CDH2: variants seen among roughly 807,000 people sequenced by gnomAD.
CDH2 encodes cadherin-2.
In CDH2, 17 loss-of-function variants were observed where a neutral mutation model predicts 92.0. That is an observed-to-expected ratio of 0.18 (90% confidence interval 0.13 to 0.28). The LOEUF is 0.28. CDH2 is among the 10% of genes least tolerant of loss of function. The pLI, the probability that CDH2 is intolerant of heterozygous loss-of-function variation, is 1.00. For missense variants in CDH2, 862 were observed against 1,133.1 expected (o/e 0.76, Z 3.44); for synonymous variants, 419 against 415.9 (o/e 1.01, Z -0.09).
Position 28,005,885 on chromosome 18 carries a change from C to T in CDH2, c.811G>A (p.Val271Ile). The change falls in exon 6 of 16, where the codon GTT becomes ATT. Residue 271 changes from valine (V) to isoleucine (I), a missense_variant. Coordinates refer to ENST00000269141, the MANE Select transcript of CDH2 (RefSeq NM_001792.5). ...CCCTCAGGAACTGTCCCATTCCAAA[C>T]CTGGTGTAAGAACTCAGGTCTGTTG... is the stretch of plus-strand genomic sequence containing the variant. The part of the protein sequence containing the change: ...NDNRPEFLHQ[V>I]WNGTVPEGSK... 6.2e-7 allele frequency: 1 copy of T among 1,613,622 alleles called. No individual in the cohort carries two copies.
chr18:28,172,906 T>TA (rs762181171), intron 1 of CDH2, among the ~76,000 whole-genome samples: 12 of 151,906 alleles, frequency 7.9e-5, no homozygotes, highest in East Asian at 1.9e-4. Flanking sequence ...CACTTAGGAT[T>TA]AAAAAAAATA....
chr18:28,108,641 T>C (rs1269918730), intron 2 of CDH2, among the ~76,000 whole-genome samples: 3 of 152,208 alleles, frequency 2.0e-5, no homozygotes, highest in African/African-American at 4.8e-5. Context: ...GCTCAATATA[T>C]GTAAATTTCA....
chr18:28,064,334 C>A (rs2014464579), intron 2 of CDH2, among the ~76,000 whole-genome samples: 1 of 152,050 alleles, frequency 6.6e-6, no homozygotes, highest in Non-Finnish European at 1.5e-5. Flanking sequence ...GATGCCCAGG[C>A]AGTCTCTCAC....
chr18:28,123,025 A>G (rs965240470), intron 2 of CDH2, among the ~76,000 whole-genome samples: 2 of 152,248 alleles, frequency 1.3e-5, no homozygotes, highest in African/African-American at 4.8e-5. Flanking sequence ...CAAGGTGACA[A>G]ATTGTGTTTT....
chr18:28,167,299 A>G (rs2016400584), intron 1 of CDH2, among the ~76,000 whole-genome samples: 1 of 152,150 alleles, frequency 6.6e-6, no homozygotes, highest in Non-Finnish European at 1.5e-5. Flanking sequence ...AACTATGGCA[A>G]AAGATATTGT....
chr18:27,991,849 T>C (rs998306803), intron 9 of CDH2, among the ~76,000 whole-genome samples: 3 of 152,216 alleles, frequency 2.0e-5, no homozygotes, highest in African/African-American at 7.2e-5. Flanking sequence ...TTAGGTTCAC[T>C]TACAAATCAA....
chr18:27,993,542 C>G lies in CDH2; in HGVS notation c.1116G>C (p.Val372=). 6.2e-7 allele frequency: 1 copy of G among 1,614,122 alleles called. No homozygotes were observed. Among genetic ancestry groups the G allele is most frequent in the Non-Finnish European group, 8.5e-7 (1 of 1,180,006 alleles). The change falls in exon 8 of 16, where the codon GTG becomes GTC. Residue 372 remains valine (V), a synonymous_variant. Transcript: ENST00000269141. ...LSNTATAVIT[V]TDVNDNPPEF... ...CTGGAGGATTGTCATTGACATCTGT[C>G]ACTGTGATGACGGCCGTGGCTGTGT... is the stretch of plus-strand genomic sequence containing the variant.
At chr18:28,131,707 T>TGTGTGTGTGTGTGTGTGG (rs777344485) in intron 2 of CDH2, among the ~76,000 whole-genome samples, 2 of 151,806 alleles carry the variant, frequency 1.3e-5, no homozygotes, top group African/African-American at 4.8e-5. Flanking sequence ...TGTGTGTGTG[T>TGTGTGTGTGTGTGTGTGG]GGCCTGAAAT....
chr18:28,022,293 C>T (rs1289631238), intron 2 of CDH2, among the ~76,000 whole-genome samples: 1 of 151,816 alleles, frequency 6.6e-6, no homozygotes, highest in Admixed American at 6.6e-5. Flanking sequence ...AATGTCTATA[C>T]AGAGCTTGGT....
intron 2 of CDH2, among the ~76,000 whole-genome samples, chr18:28,020,795 T>C (rs2013388599): frequency 6.6e-6 from 1 of 151,998 alleles, no homozygotes; most frequent in Non-Finnish European, 1.5e-5. Flanking sequence ...ATGAACCGTA[T>C]TGCAAACTAG....
At chr18:28,147,881 T>C in intron 1 of CDH2, 97 bp from the exon 2 acceptor site, 1 of 680,622 alleles carries the variant, frequency 1.5e-6, no homozygotes, top group Admixed American at 2.8e-5. Flanking sequence ...TTTTTTCAAC[T>C]ATCTTGTACA....
rs569254111 is a variant in CDH2 at position 28,059,987 on chromosome 18, T to C, written c.173-46078A>G. On this transcript the variant is annotated intron_variant, in intron 2 of 15. Transcript: ENST00000269141. ...TCTAATTTCATGTAATATGATCCTC[T>C]GCACTCTGTATTACTTAGAAGCTGG... 2.6e-5 allele frequency among the ~76,000 whole-genome samples: 4 copies of C among 152,318 alleles called. No individual in the cohort carries two copies. In the South Asian group the frequency reaches 8.3e-4, roughly 32 times the overall value.
At position 28,147,715 on chromosome 18, in the gene CDH2, C is replaced by A. The variant is rs1246347582; in HGVS notation, c.130G>T (p.Val44Phe). Reference sequence around the variant, plus strand: ...CCTTCATGCACATCCTTCGATAAGACTGCACTGTAAACATCTTCAGGAAAT... The same window carrying A: ...CCTTCATGCACATCCTTCGATAAGAATGCACTGTAAACATCTTCAGGAAAT... ...TGFPEDVYSA[V>F]LSKDVHEGQP... Residue 44 changes from valine (V) to phenylalanine (F), a missense_variant, in exon 2 of 16, where the codon GTC becomes TTC. Transcript: ENST00000269141. The A allele has an allele frequency of 6.2e-7, 1 of 1,612,724 alleles. No homozygotes were observed. The highest frequency in any genetic ancestry group is 8.5e-7 in the Non-Finnish European group (1 of 1,179,182).
At chr18:27,998,455 C>G (rs916219215) in intron 7 of CDH2, among the ~76,000 whole-genome samples, 3 of 152,152 alleles carry the variant, frequency 2.0e-5, no homozygotes, top group Non-Finnish European at 4.4e-5. Context: ...GACTTGAACT[C>G]AGGTATGGTC....
chr18:28,100,770 T>A (rs1256589828), intron 2 of CDH2, among the ~76,000 whole-genome samples: 2 of 152,180 alleles, frequency 1.3e-5, no homozygotes, highest in Non-Finnish European at 1.5e-5. Context: ...ACCTAAGAAC[T>A]TTTTGTTGGA....
chr18:28,158,802 T>C (rs541757909), intron 1 of CDH2, among the ~76,000 whole-genome samples: 1 of 152,304 alleles, frequency 6.6e-6, no homozygotes, highest in South Asian at 2.1e-4. Flanking sequence ...CAGAAGCAGA[T>C]ATGAAAAGCC....
intron 2 of CDH2, among the ~76,000 whole-genome samples, chr18:28,072,056 A>ATG (rs2014627990): frequency 6.6e-6 from 1 of 152,050 alleles, no homozygotes; most frequent in Admixed American, 6.6e-5. Flanking sequence ...AAACATAGCA[A>ATG]TGTTTGACAG....
In CDH2 at chr18:28,000,866, T is replaced by C. The variant is rs1453999310; in HGVS notation, c.1020+2131A>G. Among the ~76,000 whole-genome samples the C allele has an allele frequency of 2.1e-5, 3 of 141,814 alleles. No homozygotes were observed. In the East Asian group the frequency reaches 5.9e-4, roughly 28 times the overall value. 93.0% of individuals were successfully genotyped at this position (141,814 alleles called of 152,430 possible). ...AGAGCACGAGAACACACATTACTTT[T>C]GACAGAAAGGAAACTGTGAATTCTA... On this transcript the variant is annotated intron_variant, in intron 7 of 15. Coordinates refer to ENST00000269141, the MANE Select transcript of CDH2 (RefSeq NM_001792.5).
At chr18:28,090,219 T>A (rs557058516) in intron 2 of CDH2, among the ~76,000 whole-genome samples, 4 of 152,222 alleles carry the variant, frequency 2.6e-5, no homozygotes, top group African/African-American at 9.6e-5. Flanking sequence ...ACTAAGACAA[T>A]GCCTATAAAC....
Sources: allele counts gnomAD v4.1 joint callset (sites outside exome capture counted in the v4.1 genomes callset), GRCh38; gene constraint gnomAD v4.1.1; transcripts MANE v1.5; gene names NCBI Gene and HGNC (gene_info 2026-07-23, HGNC 2026-07-21).